The following CSMD1 variants were observed in gnomAD, a reference collection of about 807,000 sequenced individuals.
CSMD1 encodes the protein CUB and sushi domain-containing protein 1.
Under a neutral mutation model 417.5 loss-of-function variants are expected in CSMD1, and 213 were observed. The ratio of observed to expected loss-of-function variants is 0.51; its 90% CI spans 0.46 to 0.57. CSMD1 has a LOEUF of 0.57. Among genes scored for constraint, CSMD1 ranks in the 20% least tolerant of loss-of-function variants. CSMD1 has a pLI of 0.00. For synonymous variants in CSMD1, 2,862 were observed against 1,736.8 expected (o/e 1.65, Z -16.11); for missense variants, 6,923 against 4,529.7 (o/e 1.53, Z -15.17).
intron 5 of CSMD1, among the ~76,000 whole-genome samples, chr8:3,836,538 G>T (rs929210965): frequency 2.0e-5 from 3 of 152,082 alleles, no homozygotes; most frequent in African/African-American, 7.2e-5. Flanking sequence ...GCAAGAACTA[G>T]GATGGAGTGA....
intron 40 of CSMD1, among the ~76,000 whole-genome samples, chr8:3,147,000 T>A (rs1288507647): frequency 6.6e-6 from 1 of 152,156 alleles, no homozygotes; most frequent in Non-Finnish European, 1.5e-5. Context: ...CCCATATATT[T>A]TTCTTCAAGA....
At chr8:4,711,242 G>C (rs1318307822) in intron 1 of CSMD1, among the ~76,000 whole-genome samples, 1 of 151,514 alleles carries the variant, frequency 6.6e-6, no homozygotes, top group Non-Finnish European at 1.5e-5. Flanking sequence ...GCTATGAAAT[G>C]AGGTGGTGAG....
At chr8:3,376,875 A>G (rs560765721) in intron 18 of CSMD1, among the ~76,000 whole-genome samples, 3 of 152,268 alleles carry the variant, frequency 2.0e-5, no homozygotes, top group East Asian at 3.9e-4. Context: ...CGAAAAACCC[A>G]TGGGGTTTAA....
chr8:4,373,552 A>T (rs892076498), intron 3 of CSMD1, among the ~76,000 whole-genome samples: 1 of 152,200 alleles, frequency 6.6e-6, no homozygotes, highest in Non-Finnish European at 1.5e-5. Flanking sequence ...TCTATTACGT[A>T]CTCAACTCTT....
intron 5 of CSMD1, among the ~76,000 whole-genome samples, chr8:3,855,750 G>C (rs1054093490): frequency 2.0e-5 from 3 of 152,190 alleles, no homozygotes; most frequent in Admixed American, 2.0e-4. Context: ...CATGCGATGT[G>C]AAATCCTAGA....
intron 42 of CSMD1, among the ~76,000 whole-genome samples, chr8:3,116,665 CA>C (rs1175188042): frequency 1.6e-4 from 24 of 152,138 alleles, no homozygotes; most frequent in Admixed American, 1.6e-3. Context: ...TTCACACTGA[CA>C]AAATAATTCG....
At chr8:3,760,063 A>G (rs1797907466) in intron 5 of CSMD1, among the ~76,000 whole-genome samples, 1 of 152,124 alleles carries the variant, frequency 6.6e-6, no homozygotes, top group African/African-American at 2.4e-5. Context: ...TTGCCAGGTC[A>G]GGGATATTGG....
chr8:4,871,461 G>A (rs6985656), intron 1 of CSMD1, among the ~76,000 whole-genome samples: 134,788 of 152,098 alleles, frequency 0.89, 61,396 homozygotes, highest in Non-Finnish European at 0.98. Flanking sequence ...CATAAAGAAA[G>A]ATGCGTGTGA....
intron 3 of CSMD1, among the ~76,000 whole-genome samples, chr8:4,260,931 C>A (rs977880894): frequency 6.6e-6 from 1 of 152,062 alleles, no homozygotes; most frequent in Non-Finnish European, 1.5e-5. Context: ...TTAGTATTTA[C>A]CTGGTGTATT....
intron 18 of CSMD1, among the ~76,000 whole-genome samples, chr8:3,371,931 G>A (rs755240516): frequency 6.6e-6 from 1 of 152,110 alleles, no homozygotes; most frequent in African/African-American, 2.4e-5. Flanking sequence ...AATCGTTATT[G>A]GGCACCTGCT....
intron 9 of CSMD1, among the ~76,000 whole-genome samples, chr8:3,578,210 T>A (rs929790443): frequency 9.9e-5 from 15 of 152,070 alleles, no homozygotes; most frequent in African/African-American, 2.4e-4. Flanking sequence ...AATTAGGTAT[T>A]TGGAAAATAG....
At chr8:4,820,959 C>T (rs1415966669) in intron 1 of CSMD1, among the ~76,000 whole-genome samples, 7 of 152,104 alleles carry the variant, frequency 4.6e-5, no homozygotes, top group Non-Finnish European at 1.0e-4. Flanking sequence ...GCTTTACTTT[C>T]GTAGTGCTCA....
intron 10 of CSMD1, among the ~76,000 whole-genome samples, chr8:3,495,228 T>G (rs1796315719): frequency 6.6e-6 from 1 of 152,226 alleles, no homozygotes; most frequent in Admixed American, 6.5e-5. Context: ...CATGAACCAA[T>G]TTATAAGTGA....
chr8:4,508,635 T>C (rs1376736355), intron 2 of CSMD1, among the ~76,000 whole-genome samples: 2 of 152,098 alleles, frequency 1.3e-5, no homozygotes, highest in Non-Finnish European at 1.5e-5. Context: ...TGTTTCCTCC[T>C]TACCAACCCC....
intron 40 of CSMD1, among the ~76,000 whole-genome samples, chr8:3,146,063 C>T (rs1456796271): frequency 1.3e-5 from 2 of 152,120 alleles, no homozygotes; most frequent in Non-Finnish European, 2.9e-5. Flanking sequence ...AGTGTTAATA[C>T]CTATGGAATT....
At position 4,607,828 on chromosome 8, in the gene CSMD1, C is replaced by G. The variant is rs145941133; in HGVS notation, c.302+29514G>C. ...GTACTTTTCCCTTTGCAATAAATCT[C>G]TGTACTTTCACTATTTTCTGAATCT... On this transcript the variant is annotated intron_variant, in intron 2 of 69. Transcript: ENST00000635120. 2.3e-3 allele frequency among the ~76,000 whole-genome samples: 346 copies of G among 152,284 alleles called. 1 individual carries two copies. Among genetic ancestry groups the G allele is most frequent in the African/African-American group, 7.8e-3 (323 of 41,556 alleles).
chr8:4,941,877 G>C (rs1285835964), intron 1 of CSMD1, among the ~76,000 whole-genome samples: 1 of 152,172 alleles, frequency 6.6e-6, no homozygotes, highest in Non-Finnish European at 1.5e-5. Flanking sequence ...TAGGATTACA[G>C]GTGTGAGCCA....
At chr8:3,297,728 T>C (rs1804075053) in intron 25 of CSMD1, among the ~76,000 whole-genome samples, 1 of 152,164 alleles carries the variant, frequency 6.6e-6, no homozygotes, top group Non-Finnish European at 1.5e-5. Flanking sequence ...AATATTTGTA[T>C]AGCTTTGGGG....
rs555589593 is a variant in CSMD1 at position 3,384,970 on chromosome 8, G to A, written c.2782+2524C>T. On this transcript the variant is annotated intron_variant, in intron 18 of 69. Transcript: ENST00000635120. ...TGCATATATAATATATAATATATAT[G>A]CATATATAGCATATATAATACATAT... Among the ~76,000 whole-genome samples the A allele has an allele frequency of 1.3e-4, 13 of 101,222 alleles. No individual in the cohort carries two copies. In the East Asian group the frequency reaches 3.1e-3, roughly 24 times the overall value. 66.4% of individuals were successfully genotyped at this position (101,222 alleles called of 152,430 possible). A position where few individuals can be genotyped will look rare whatever the true frequency, so the allele number is the denominator to read the frequency against.
Sources: allele counts gnomAD v4.1 joint callset (sites outside exome capture counted in the v4.1 genomes callset), GRCh38; gene constraint gnomAD v4.1.1; transcripts MANE v1.5; gene names NCBI Gene and HGNC (gene_info 2026-07-23, HGNC 2026-07-21).